The following ADAM7 variants were observed in gnomAD, a reference collection of about 807,000 sequenced individuals.
ADAM7 encodes disintegrin and metalloproteinase domain-containing protein 7.
ADAM7 carries 97 observed loss-of-function variants against 102.9 expected under a neutral mutation model. The ratio of observed to expected loss-of-function variants is 0.94; its 90% CI spans 0.80 to 1.12. The LOEUF (loss-of-function observed/expected upper bound fraction) is 1.12. Ranked by LOEUF, ADAM7 falls within the 50% of genes most tolerant of loss-of-function variation. The pLI, the probability that ADAM7 is intolerant of heterozygous loss-of-function variation, is 0.00. For missense variants in ADAM7, 991 were observed against 908.7 expected, an observed-to-expected ratio of 1.09 and a Z score of -1.16; for synonymous variants, 334 against 304.4, an observed-to-expected ratio of 1.10 and a Z score of -1.01.
At chr8:24,491,859 C>T (rs1820369907) in intron 13 of ADAM7, 44 bp from the exon 14 acceptor site, 3 of 1,491,506 alleles carry the variant, frequency 2.0e-6, no homozygotes, top group Non-Finnish European at 2.7e-6. Context: ...ACCTTACCTA[C>T]CTAAATGTAT....
chr8:24,464,106 A>G, intron 4 of ADAM7, 146 bp downstream of exon 4: 1 of 673,306 alleles, frequency 1.5e-6, no homozygotes, highest in Non-Finnish European at 2.4e-6. Flanking sequence ...CTGAAAAATT[A>G]TAGTATAAAA....
intron 8 of ADAM7, among the ~76,000 whole-genome samples, 186 bp downstream of exon 8, chr8:24,476,690 G>A (rs1393053335): frequency 3.3e-5 from 5 of 152,166 alleles, no homozygotes; most frequent in South Asian, 4.2e-4. Flanking sequence ...TTCAATTTTC[G>A]ATGTAAGTGA....
intron 9 of ADAM7, among the ~76,000 whole-genome samples, chr8:24,484,892 G>A (rs28483136): frequency 4.4e-5 from 6 of 137,850 alleles, no homozygotes; most frequent in African/African-American, 1.6e-4. Flanking sequence ...TGCAACCTCC[G>A]CCTCTCGGGT....
At chr8:24,489,023 G>T (rs188902347) in intron 11 of ADAM7, 136 bp from the exon 12 acceptor site, 11 of 692,596 alleles carry the variant, frequency 1.6e-5, no homozygotes, top group Non-Finnish European at 2.4e-5. Flanking sequence ...CTATAATAAA[G>T]GACCCAGTTA....
chr8:24,447,624 A>G (rs1223866219), intron 3 of ADAM7, among the ~76,000 whole-genome samples: 1 of 152,192 alleles, frequency 6.6e-6, no homozygotes, highest in Non-Finnish European at 1.5e-5. Flanking sequence ...TGTAAACTAG[A>G]TATCAAATCA....
intron 2 of ADAM7, among the ~76,000 whole-genome samples, chr8:24,445,838 C>T (rs1472462444): frequency 6.6e-6 from 1 of 152,112 alleles, no homozygotes; most frequent in Non-Finnish European, 1.5e-5. Context: ...AATATTGAAC[C>T]TCTGTCTGTT....
rs779864401 is a variant in ADAM7 at position 24,501,520 on chromosome 8, G to C, written c.2152G>C (p.Gly718Arg). Residue 718 changes from glycine (G) to arginine (R), a missense_variant, in exon 20 of 22, where the codon GGT becomes CGT. Gly to Arg is a moderately radical substitution (Grantham distance 125). Coordinates refer to ENST00000175238, the MANE Select transcript of ADAM7 (RefSeq NM_003817.4). ...GGGAGTGGAGAACAAAGGATACTTT[G>C]GTGATGAGCAGCAGATAAGGACTGA... The part of the protein sequence containing the change: ...TLGVENKGYF[G>R]DEQQIRTEPI... The C allele has an allele frequency of 1.9e-6, 3 of 1,608,686 alleles. No individual in the cohort carries two copies. The highest frequency in any genetic ancestry group is 2.5e-6 in the Non-Finnish European group (3 of 1,178,222).
chr8:24,500,172 T>C lies in ADAM7; in HGVS notation c.1924-6T>C, dbSNP rs1414612211. 1.2e-6 allele frequency: 2 copies of C among 1,609,136 alleles called. No homozygotes were observed. The highest frequency in any genetic ancestry group is 2.7e-5 in the African/African-American group (2 of 74,854). On this transcript the variant is annotated splice_region_variant and splice_polypyrimidine_tract_variant and intron_variant, in intron 17 of 21. Coordinates refer to ENST00000175238, the MANE Select transcript of ADAM7 (RefSeq NM_003817.4). ...TTTGAGAATATATCATTGACTGCTCTTCCAGGTGGATGGCCACGGACTCCA... is the reference window on the plus strand; with the variant it reads ...TTTGAGAATATATCATTGACTGCTCCTCCAGGTGGATGGCCACGGACTCCA...
chr8:24,459,332 A>G (rs1563377754), intron 3 of ADAM7, among the ~76,000 whole-genome samples: 1 of 151,986 alleles, frequency 6.6e-6, no homozygotes. Flanking sequence ...ATTTTTAAAA[A>G]TGTAATAATT....
At chr8:24,487,062 C>T in intron 10 of ADAM7, 125 bp from the exon 11 acceptor site, 1 of 982,660 alleles carries the variant, frequency 1.0e-6, no homozygotes, top group Non-Finnish European at 1.4e-6. Flanking sequence ...TGAGTCCATG[C>T]CTTTTTAAAT....
chr8:24,502,933 A>G (rs919401813), intron 20 of ADAM7, among the ~76,000 whole-genome samples: 1 of 152,110 alleles, frequency 6.6e-6, no homozygotes, highest in Non-Finnish European at 1.5e-5. Flanking sequence ...AAGCACTACT[A>G]ACTAATACAC....
chr8:24,490,910 AG>A, intron 13 of ADAM7, 22 bp downstream of exon 13: 3 of 1,605,008 alleles, frequency 1.9e-6, no homozygotes, highest in East Asian at 2.2e-5. Flanking sequence ...TGCCAGGAGA[AG>A]GTTTTTTTTT....
chr8:24,474,500 C>T (rs768716144), intron 7 of ADAM7, among the ~76,000 whole-genome samples: 4 of 151,946 alleles, frequency 2.6e-5, no homozygotes, highest in Non-Finnish European at 4.4e-5. Flanking sequence ...TAGAGAAGTT[C>T]CTAAGGTAAA....
At chr8:24,497,646 G>A (rs1386324346) in intron 16 of ADAM7, among the ~76,000 whole-genome samples, 1 of 151,938 alleles carries the variant, frequency 6.6e-6, no homozygotes, top group South Asian at 2.1e-4. Flanking sequence ...CAGAAGAGAG[G>A]TGAAAATATA....
chr8:24,507,938 T>C (rs1048801626), intron 21 of ADAM7, among the ~76,000 whole-genome samples: 1 of 152,198 alleles, frequency 6.6e-6, no homozygotes, highest in Non-Finnish European at 1.5e-5. Flanking sequence ...TCATGATTCC[T>C]TTTTTAGATT....
At chr8:24,453,722 G>T (rs889479430) in intron 3 of ADAM7, among the ~76,000 whole-genome samples, 9 of 152,180 alleles carry the variant, frequency 5.9e-5, no homozygotes, top group African/African-American at 2.2e-4. Context: ...AGGAGGAGAG[G>T]CGCTCTCCTT....
chr8:24,465,970 T>G (rs1819410836), intron 5 of ADAM7, among the ~76,000 whole-genome samples, 195 bp downstream of exon 5: 1 of 152,244 alleles, frequency 6.6e-6, no homozygotes, highest in African/African-American at 2.4e-5. Flanking sequence ...TGCATAGTCC[T>G]GAACAAGACA....
At chr8:24,500,997 C>T (rs1328140272) in intron 19 of ADAM7, 102 bp downstream of exon 19, 5 of 945,146 alleles carry the variant, frequency 5.3e-6, no homozygotes, top group Non-Finnish European at 8.0e-6. Flanking sequence ...GTATAAGCTT[C>T]TTACTGAAGA....
chr8:24,495,099 C>T (rs1056978253), intron 16 of ADAM7, among the ~76,000 whole-genome samples: 4 of 152,172 alleles, frequency 2.6e-5, no homozygotes, highest in African/African-American at 4.8e-5. Context: ...GCTGGGTTTC[C>T]ACCCCAGCTG....
Sources: allele counts gnomAD v4.1 joint callset (sites outside exome capture counted in the v4.1 genomes callset), GRCh38; gene constraint gnomAD v4.1.1; transcripts MANE v1.5; gene names NCBI Gene and HGNC (gene_info 2026-07-23, HGNC 2026-07-21).